Variants in BACH2 observed in about 807,000 individuals in gnomAD.
The protein encoded by BACH2 is BACH transcriptional regulator 2.
BACH2 carries 5 observed loss-of-function variants against 61.8 expected under a neutral mutation model. The observed-to-expected ratio is 0.08, with a 90% CI of 0.04 to 0.17. BACH2 has a LOEUF of 0.17. BACH2 is among the 10% of genes least tolerant of loss of function. BACH2 has a pLI of 1.00. For missense variants in BACH2, 824 were observed against 1,091.1 expected (o/e 0.76, Z 3.45); for synonymous variants, 446 against 440.1 (o/e 1.01, Z -0.17).
At chr6:90,033,807 C>T (rs1200004465) in intron 5 of BACH2, among the ~76,000 whole-genome samples, 1 of 151,940 alleles carries the variant, frequency 6.6e-6, no homozygotes, top group African/African-American at 2.4e-5. Context: ...ATAAAATGCC[C>T]GACAATGTTT....
At chr6:90,005,423 G>A (rs1777356040) in intron 6 of BACH2, among the ~76,000 whole-genome samples, 2 of 152,194 alleles carry the variant, frequency 1.3e-5, no homozygotes, top group Admixed American at 1.3e-4. Flanking sequence ...TAATCTAATG[G>A]TTTTTCTTAT....
At chr6:89,989,117 A>C (rs1776398158) in intron 6 of BACH2, among the ~76,000 whole-genome samples, 1 of 152,214 alleles carries the variant, frequency 6.6e-6, no homozygotes, top group African/African-American at 2.4e-5. Flanking sequence ...CAGTTCTCCA[A>C]GATGGAGCAA....
intron 4 of BACH2, among the ~76,000 whole-genome samples, chr6:90,191,882 A>C (rs578019479): frequency 1.3e-5 from 2 of 152,330 alleles, no homozygotes; most frequent in East Asian, 3.9e-4. Context: ...TATCAAAATG[A>C]ATGAGGATTT....
At chr6:90,015,287 C>T (rs1222586481) in intron 5 of BACH2, among the ~76,000 whole-genome samples, 1 of 151,908 alleles carries the variant, frequency 6.6e-6, no homozygotes, top group Non-Finnish European at 1.5e-5. Context: ...GATCTCTATT[C>T]TCATTGTTAT....
intron 4 of BACH2, among the ~76,000 whole-genome samples, chr6:90,144,303 T>C (rs1052743021): frequency 6.6e-5 from 10 of 151,862 alleles, no homozygotes; most frequent in African/African-American, 2.4e-4. Flanking sequence ...GTGTCATCAG[T>C]AGGCACTCAA....
At chr6:90,059,145 G>C (rs1472933879) in intron 5 of BACH2, among the ~76,000 whole-genome samples, 1 of 152,218 alleles carries the variant, frequency 6.6e-6, no homozygotes, top group Non-Finnish European at 1.5e-5. Context: ...AAACTAAAGA[G>C]CTTCTGCACA....
chr6:90,030,301 C>T (rs995814824), intron 5 of BACH2, among the ~76,000 whole-genome samples: 4 of 152,186 alleles, frequency 2.6e-5, no homozygotes, highest in Admixed American at 1.3e-4. Context: ...AATGTGACAG[C>T]GACCACAGCC....
intron 7 of BACH2, among the ~76,000 whole-genome samples, chr6:89,946,087 G>A (rs1301898135): frequency 6.6e-6 from 1 of 152,094 alleles, no homozygotes; most frequent in Non-Finnish European, 1.5e-5. Context: ...AGCAGACTAA[G>A]GGAATATCTA....
chr6:89,964,694 CGAG>C (rs1774951475), intron 6 of BACH2, among the ~76,000 whole-genome samples: 1 of 152,090 alleles, frequency 6.6e-6, no homozygotes, highest in Non-Finnish European at 1.5e-5. Context: ...AACTACTGGT[CGAG>C]GAGAATTCTG....
chr6:90,286,434 A>C (rs1772019435), intron 1 of BACH2, among the ~76,000 whole-genome samples: 1 of 152,234 alleles, frequency 6.6e-6, no homozygotes, highest in African/African-American at 2.4e-5. Context: ...GTTGTCTGGA[A>C]CTGAGAATAC....
intron 4 of BACH2, among the ~76,000 whole-genome samples, chr6:90,105,559 G>C (rs1782865374): frequency 6.6e-6 from 1 of 152,156 alleles, no homozygotes; most frequent in South Asian, 2.1e-4. Context: ...AAATACCAAT[G>C]AACATTAGGC....
intron 4 of BACH2, among the ~76,000 whole-genome samples, chr6:90,148,978 C>A (rs759499939): frequency 3.3e-5 from 5 of 152,166 alleles, no homozygotes; most frequent in African/African-American, 1.2e-4. Context: ...GAACCAAATG[C>A]TTCCAGAGTG....
Position 89,946,552 on chromosome 6 carries a change from G to A in BACH2, c.1836+3718C>T, listed in dbSNP as rs143718271. On this transcript the variant is annotated intron_variant, in intron 7 of 8. Transcript: ENST00000257749. The stretch of plus-strand genomic sequence containing the variant: ...TCAGAGGGAAAAACTGAAAACAACT[G>A]AAATGTCTGGTGATAAGTGACAGCT... Among the ~76,000 whole-genome samples, 467 of 152,314 alleles carry A rather than the reference G, an allele frequency of 3.1e-3. 5 individuals are homozygous for A. The highest frequency in any genetic ancestry group is 2.2e-3 in the Non-Finnish European group (151 of 68,034).
chr6:90,129,857 G>GT (rs370397717), intron 4 of BACH2, among the ~76,000 whole-genome samples: 8,924 of 148,082 alleles, frequency 0.06, 336 homozygotes, highest in African/African-American at 0.11. Context: ...AGTTCAAGAA[G>GT]TTTTTTTTTT....
intron 6 of BACH2, among the ~76,000 whole-genome samples, chr6:89,954,929 A>C (rs996226359): frequency 1.3e-5 from 2 of 152,252 alleles, no homozygotes; most frequent in Non-Finnish European, 2.9e-5. Context: ...TGAAAGTTCA[A>C]GAGCTCATAA....
chr6:90,127,290 T>C (rs529029115), intron 4 of BACH2, among the ~76,000 whole-genome samples: 34 of 152,342 alleles, frequency 2.2e-4, no homozygotes, highest in African/African-American at 7.2e-4. Context: ...CCGGGGTTGA[T>C]GGCTGCAGGC....
chr6:90,014,945 T>A (rs1346402899), intron 5 of BACH2, among the ~76,000 whole-genome samples: 1 of 64,908 alleles, frequency 1.5e-5, no homozygotes, highest in Non-Finnish European at 2.6e-5. Flanking sequence ...TGTTCAGCTA[T>A]TTTTTTTTTT....
chr6:90,107,521 C>A (rs1782976615), intron 4 of BACH2, among the ~76,000 whole-genome samples: 1 of 152,138 alleles, frequency 6.6e-6, no homozygotes, highest in South Asian at 2.1e-4. Context: ...CCTTCTTAGT[C>A]CTACAATGCA....
intron 5 of BACH2, among the ~76,000 whole-genome samples, chr6:90,038,721 T>A (rs1196559782): frequency 6.6e-6 from 1 of 152,076 alleles, no homozygotes; most frequent in Non-Finnish European, 1.5e-5. Flanking sequence ...TATAGATAGA[T>A]CTTTGTCCTT....
Sources: gnomAD v4.1 joint callset for allele counts (sites outside exome capture counted in the v4.1 genomes callset) on GRCh38, gnomAD v4.1.1 for gene constraint, MANE v1.5 for transcripts, NCBI Gene and HGNC (gene_info 2026-07-23, HGNC 2026-07-21) for gene names.